Variants in FAM193A observed in about 807,000 individuals in gnomAD.
FAM193A encodes protein FAM193A.
Under a neutral mutation model 126.5 loss-of-function variants are expected in FAM193A, and 22 were observed. The observed-to-expected ratio is 0.17, with a 90% CI of 0.12 to 0.25. The LOEUF (loss-of-function observed/expected upper bound fraction) is 0.25. FAM193A is among the 10% of genes least tolerant of loss of function. The pLI is 1.00. For missense variants in FAM193A, 1,675 were observed against 1,672.8 expected (o/e 1.00, Z -0.02); for synonymous variants, 761 against 646.8 (o/e 1.18, Z -2.68).
chr4:2,585,163 T>C (rs1316333556), intron 1 of FAM193A, among the ~76,000 whole-genome samples: 3 of 152,246 alleles, frequency 2.0e-5, no homozygotes, highest in Non-Finnish European at 2.9e-5. Flanking sequence ...ATGGGTTATT[T>C]CCAGTTTGGG....
intron 20 of FAM193A, among the ~76,000 whole-genome samples, chr4:2,725,327 AGTT>A (rs1045421020): frequency 6.6e-6 from 1 of 151,882 alleles, no homozygotes; most frequent in Non-Finnish European, 1.5e-5. Flanking sequence ...CTACTGTAGT[AGTT>A]CCAGCTACCT....
At chr4:2,542,699 G>A (rs1737304249) in intron 1 of FAM193A, among the ~76,000 whole-genome samples, 1 of 152,100 alleles carries the variant, frequency 6.6e-6, no homozygotes. Flanking sequence ...CTGGCCCTAT[G>A]GTTCCCAGGG....
intron 8 of FAM193A, among the ~76,000 whole-genome samples, chr4:2,658,909 C>G (rs1341091326): frequency 6.6e-6 from 1 of 152,144 alleles, no homozygotes; most frequent in African/African-American, 2.4e-5. Context: ...AGCCACCACG[C>G]CTGGCTAATT....
intron 17 of FAM193A, 107 bp downstream of exon 17, chr4:2,695,236 G>A: frequency 1.1e-6 from 1 of 871,442 alleles, no homozygotes. Context: ...CCACTTCTAG[G>A]GTATATCCAT....
intron 1 of FAM193A, among the ~76,000 whole-genome samples, chr4:2,564,281 C>G (rs1738801090): frequency 6.6e-6 from 1 of 151,972 alleles, no homozygotes; most frequent in Non-Finnish European, 1.5e-5. Context: ...CGGGGTCTCA[C>G]TTTGTTGCCC....
chr4:2,552,382 T>G (rs1227672463), intron 1 of FAM193A, among the ~76,000 whole-genome samples: 1 of 151,282 alleles, frequency 6.6e-6, no homozygotes, highest in East Asian at 1.9e-4. Flanking sequence ...AACTCCTGAG[T>G]TTAAGCAATC....
chr4:2,575,988 G>C (rs1560454524), intron 1 of FAM193A, among the ~76,000 whole-genome samples: 1 of 152,192 alleles, frequency 6.6e-6, no homozygotes, highest in East Asian at 1.9e-4. Context: ...AACAATGAGG[G>C]ATGCAAGTAG....
At chr4:2,566,321 A>G (rs1308033929) in intron 1 of FAM193A, among the ~76,000 whole-genome samples, 2 of 152,346 alleles carry the variant, frequency 1.3e-5, no homozygotes, top group Admixed American at 6.5e-5. Flanking sequence ...TGCTGGGATT[A>G]TAGGCGTGAG....
At chr4:2,664,914 A>T (rs1345179740) in intron 12 of FAM193A, among the ~76,000 whole-genome samples, 1 of 152,064 alleles carries the variant, frequency 6.6e-6, no homozygotes, top group Non-Finnish European at 1.5e-5. Context: ...TTGCATTCCC[A>T]TATAAATTTT....
chr4:2,623,548 G>T (rs1742684110), intron 2 of FAM193A, among the ~76,000 whole-genome samples: 1 of 152,368 alleles, frequency 6.6e-6, no homozygotes, highest in South Asian at 2.1e-4. Context: ...TGCAAGGCCT[G>T]CACCAGTGTC....
At chr4:2,551,964 C>A (rs1737946814) in intron 1 of FAM193A, among the ~76,000 whole-genome samples, 1 of 150,884 alleles carries the variant, frequency 6.6e-6, no homozygotes, top group Non-Finnish European at 1.5e-5. Flanking sequence ...CCTCAGCCTC[C>A]TGAGCGGCTG....
chr4:2,683,296 TTTG>T (rs1435312379), intron 13 of FAM193A, among the ~76,000 whole-genome samples: 3 of 151,758 alleles, frequency 2.0e-5, no homozygotes, highest in Admixed American at 6.6e-5. Flanking sequence ...TTTTTTTTTT[TTTG>T]TTTTTTGTTT....
In FAM193A at chr4:2,702,338, C is replaced by T. The variant is rs1717825894; in HGVS notation, c.4372+1794C>T. On this transcript the variant is annotated intron_variant, in intron 19 of 20. Transcript: ENST00000637812. Reference sequence around the variant, plus strand: ...TGATGCGGCCCTACCAGCCTTTAAGCATTTTATACTTTGTGTCATGGTTCG... The same window carrying T: ...TGATGCGGCCCTACCAGCCTTTAAGTATTTTATACTTTGTGTCATGGTTCG... Among the ~76,000 whole-genome samples, 4 of 152,158 alleles carry T rather than the reference C, an allele frequency of 2.6e-5. No individual in the cohort carries two copies. The South Asian group carries it at 8.3e-4, about 32-fold the overall frequency.
Position 2,654,138 on chromosome 4 carries a change from G to A in FAM193A, c.1312-3665G>A, listed in dbSNP as rs185071331. Among the ~76,000 whole-genome samples the A allele has an allele frequency of 5.9e-5, 9 of 152,278 alleles. No homozygotes were observed. In the South Asian group the frequency reaches 8.3e-4, roughly 14 times the overall value. On this transcript the variant is annotated intron_variant, in intron 7 of 20. Transcript: ENST00000637812. Reference sequence around the variant, plus strand: ...TTTAGAAATTTTATACTGATTCAAAGGCTTTAAAATGTTGAATACGTGTAA... The same window carrying A: ...TTTAGAAATTTTATACTGATTCAAAAGCTTTAAAATGTTGAATACGTGTAA...
intron 19 of FAM193A, among the ~76,000 whole-genome samples, chr4:2,708,427 A>G (rs1718552445): frequency 6.6e-6 from 1 of 151,702 alleles, no homozygotes; most frequent in Non-Finnish European, 1.5e-5. Flanking sequence ...GCCCGGCTGT[A>G]TGTTAACTTT....
At chr4:2,566,010 C>T (rs1489540696) in intron 1 of FAM193A, among the ~76,000 whole-genome samples, 1 of 151,770 alleles carries the variant, frequency 6.6e-6, no homozygotes, top group South Asian at 2.1e-4. Flanking sequence ...AATCTGTCCC[C>T]TCAAGGTAAA....
intron 13 of FAM193A, among the ~76,000 whole-genome samples, chr4:2,676,560 T>C (rs75080258): frequency 2.8e-3 from 425 of 152,356 alleles, no homozygotes; most frequent in African/African-American, 7.7e-3. Context: ...ATATTAGTCC[T>C]TTATCAGATA....
At chr4:2,589,939 A>G (rs1483118281) in intron 1 of FAM193A, among the ~76,000 whole-genome samples, 1 of 151,798 alleles carries the variant, frequency 6.6e-6, no homozygotes, top group Non-Finnish European at 1.5e-5. Flanking sequence ...ATTTGAGATC[A>G]GCCTGACCGA....
intron 1 of FAM193A, among the ~76,000 whole-genome samples, chr4:2,563,524 A>T (rs1359416904): frequency 3.7e-5 from 5 of 135,134 alleles, no homozygotes; most frequent in Non-Finnish European, 5.0e-5. Context: ...GGTCATCTCT[A>T]CAAAAAAAAA....
Sources: allele counts gnomAD v4.1 joint callset (sites outside exome capture counted in the v4.1 genomes callset), GRCh38; gene constraint gnomAD v4.1.1; transcripts MANE v1.5; gene names NCBI Gene and HGNC (gene_info 2026-07-23, HGNC 2026-07-21).